The following TBC1D5 variants were observed in gnomAD, a reference collection of about 807,000 sequenced individuals.
The protein encoded by TBC1D5 is TBC1 domain family, member 5.
TBC1D5 carries 75 observed loss-of-function variants against 100.3 expected under a neutral mutation model. The observed-to-expected ratio is 0.75, with a 90% confidence interval of 0.62 to 0.91. The LOEUF is 0.91. Among genes scored for constraint, TBC1D5 ranks in the 40% least tolerant of loss-of-function variants. The probability of loss-of-function intolerance (pLI) is 0.00; values close to 1 mark genes in which losing one functional copy is unlikely to be tolerated. For synonymous variants in TBC1D5, 323 were observed against 325.6 expected (o/e 0.99, Z 0.09); for missense variants, 910 against 942.4 (o/e 0.97, Z 0.45).
At chr3:17,451,281 A>G (rs1284078840) in intron 3 of TBC1D5, among the ~76,000 whole-genome samples, 1 of 152,222 alleles carries the variant, frequency 6.6e-6, no homozygotes, top group Non-Finnish European at 1.5e-5. Flanking sequence ...AAACATACCA[A>G]AATGTAAAGA....
chr3:17,715,716 C>T (rs1172517742), intron 1 of TBC1D5, among the ~76,000 whole-genome samples: 1 of 151,966 alleles, frequency 6.6e-6, no homozygotes, highest in Non-Finnish European at 1.5e-5. Context: ...GTGGAAAGAT[C>T]GCTTGAGCCC....
At position 17,306,518 on chromosome 3, in the gene TBC1D5, A is replaced by G. The variant is rs533937112; in HGVS notation, c.1138+1474T>C. On this transcript the variant is annotated intron_variant, in intron 14 of 21. Transcript: ENST00000253692. ...ATTTTATAAAGTCATCAGTGAAAAG[A>G]TGAAAAATGTGTAAGGACTTCAGGT... Among the ~76,000 whole-genome samples the G allele has an allele frequency of 3.3e-5, 5 of 152,332 alleles. No individual in the cohort carries two copies. In the South Asian group the frequency reaches 1.0e-3, roughly 32 times the overall value.
intron 2 of TBC1D5, among the ~76,000 whole-genome samples, chr3:17,602,083 G>A (rs1349743981): frequency 6.6e-6 from 1 of 152,090 alleles, no homozygotes; most frequent in African/African-American, 2.4e-5. Context: ...CGCCCACCTC[G>A]GCCTCCCAAA....
chr3:17,563,832 G>A (rs1040527388), intron 2 of TBC1D5, among the ~76,000 whole-genome samples: 1 of 152,130 alleles, frequency 6.6e-6, no homozygotes, highest in East Asian at 1.9e-4. Flanking sequence ...GCCCAGGCTG[G>A]AGTGCAGTGG....
chr3:17,474,784 C>T (rs1041184905), intron 3 of TBC1D5, among the ~76,000 whole-genome samples: 1 of 152,014 alleles, frequency 6.6e-6, no homozygotes, highest in African/African-American at 2.4e-5. Context: ...GGCAAGGACA[C>T]GTTAAGACTT....
At chr3:17,238,243 G>C in exon 17 of TBC1D5, 3 of 1,614,014 alleles carry the variant, frequency 1.9e-6, no homozygotes, top group African/African-American at 1.3e-5. Flanking sequence ...ATGGCTTGGG[G>C]CCTCTGCTGA....
chr3:17,327,863 A>C (rs1156873871), intron 13 of TBC1D5, among the ~76,000 whole-genome samples: 1 of 152,114 alleles, frequency 6.6e-6, no homozygotes, highest in Non-Finnish European at 1.5e-5. Flanking sequence ...CTAGAACAGT[A>C]CCTGGTATAC....
chr3:17,256,021 G>C (rs2077633865), intron 16 of TBC1D5, among the ~76,000 whole-genome samples: 1 of 152,198 alleles, frequency 6.6e-6, no homozygotes, highest in African/African-American at 2.4e-5. Flanking sequence ...GGGCGACAAA[G>C]CGAGACTCGG....
At chr3:17,515,282 T>G (rs1377100067) in intron 2 of TBC1D5, among the ~76,000 whole-genome samples, 2 of 152,174 alleles carry the variant, frequency 1.3e-5, no homozygotes, top group Non-Finnish European at 2.9e-5. Context: ...GGGCAATCCT[T>G]CTAAAAGTCC....
At chr3:17,597,017 C>T (rs144126583) in intron 2 of TBC1D5, among the ~76,000 whole-genome samples, 9 of 152,208 alleles carry the variant, frequency 5.9e-5, no homozygotes, top group Admixed American at 5.9e-4. Flanking sequence ...AAACTTTCAC[C>T]CAAGGTTAAC....
At chr3:17,668,478 T>C (rs1045935713) in intron 1 of TBC1D5, among the ~76,000 whole-genome samples, 1 of 152,128 alleles carries the variant, frequency 6.6e-6, no homozygotes, top group Non-Finnish European at 1.5e-5. Context: ...TATACAGAAT[T>C]ACTAAAGTAA....
chr3:17,395,323 G>A (rs1293231432), intron 8 of TBC1D5, among the ~76,000 whole-genome samples: 3 of 151,906 alleles, frequency 2.0e-5, no homozygotes, highest in Non-Finnish European at 4.4e-5. Flanking sequence ...ATAAACGTAG[G>A]TAGATACACT....
intron 13 of TBC1D5, among the ~76,000 whole-genome samples, chr3:17,353,563 T>C (rs756727959): frequency 2.6e-5 from 4 of 152,218 alleles, no homozygotes; most frequent in Non-Finnish European, 2.9e-5. Flanking sequence ...TCTATAAATA[T>C]AGACTAAGTA....
At chr3:17,672,256 C>T (rs531767321) in intron 1 of TBC1D5, among the ~76,000 whole-genome samples, 86 of 151,942 alleles carry the variant, frequency 5.7e-4, no homozygotes, top group Middle Eastern at 3.4e-3. Context: ...TAAATTTGAA[C>T]CTAAAGAATG....
chr3:17,304,828 C>A (rs959488175), intron 14 of TBC1D5, among the ~76,000 whole-genome samples: 3 of 152,154 alleles, frequency 2.0e-5, no homozygotes, highest in African/African-American at 4.8e-5. Flanking sequence ...CAATGTCTAA[C>A]GACAGCCATC....
At chr3:17,289,074 T>C (rs1465142105) in intron 15 of TBC1D5, among the ~76,000 whole-genome samples, 1 of 152,192 alleles carries the variant, frequency 6.6e-6, no homozygotes, top group Non-Finnish European at 1.5e-5. Context: ...TGGGCACCAC[T>C]GTGTTCCCCT....
At chr3:17,317,197 C>T (rs916257801) in intron 13 of TBC1D5, among the ~76,000 whole-genome samples, 15 of 152,158 alleles carry the variant, frequency 9.9e-5, no homozygotes, top group African/African-American at 3.6e-4. Context: ...CAATTTAAAA[C>T]ATTACTAAAT....
At chr3:17,257,774 A>G (rs1391046464) in intron 16 of TBC1D5, among the ~76,000 whole-genome samples, 3 of 152,204 alleles carry the variant, frequency 2.0e-5, no homozygotes, top group Non-Finnish European at 4.4e-5. Flanking sequence ...AGGCTCTTGG[A>G]ATTCTACTGA....
intron 15 of TBC1D5, among the ~76,000 whole-genome samples, chr3:17,288,525 T>C (rs943318689): frequency 1.1e-4 from 17 of 152,140 alleles, no homozygotes; most frequent in Non-Finnish European, 1.8e-4. Context: ...CCTTTCCTAA[T>C]TGGTTTTTTA....
Sources: allele counts gnomAD v4.1 joint callset (sites outside exome capture counted in the v4.1 genomes callset), GRCh38; gene constraint gnomAD v4.1.1; transcripts MANE v1.5; gene names NCBI Gene and HGNC (gene_info 2026-07-23, HGNC 2026-07-21).